COL18A1: variants seen among roughly 807,000 people sequenced by gnomAD.
COL18A1 encodes the protein collagen type XVIII alpha 1 chain.
In COL18A1, 133 loss-of-function variants were observed where a neutral mutation model predicts 168.0. The ratio of observed to expected loss-of-function variants is 0.79; its 90% CI spans 0.69 to 0.91. The LOEUF (loss-of-function observed/expected upper bound fraction) is 0.91. Ranked by LOEUF, COL18A1 falls within the 40% of genes least tolerant of loss-of-function variation. The probability of loss-of-function intolerance (pLI) is 0.00; values close to 1 mark genes in which losing one functional copy is unlikely to be tolerated. For synonymous variants in COL18A1, 949 were observed against 809.0 expected, an observed-to-expected ratio of 1.17 and a Z score of -2.94; for missense variants, 2,126 against 1,925.4, an observed-to-expected ratio of 1.10 and a Z score of -1.95.
intron 2 of COL18A1, among the ~76,000 whole-genome samples, chr21:45,445,563 G>T (rs891238204): frequency 6.6e-6 from 1 of 152,166 alleles, no homozygotes; most frequent in East Asian, 1.9e-4. Flanking sequence ...ACCATCTCAC[G>T]TCCCTTCCTG....
At chr21:45,464,666 G>T (rs1055831009) in intron 2 of COL18A1, among the ~76,000 whole-genome samples, 4 of 152,182 alleles carry the variant, frequency 2.6e-5, no homozygotes, top group African/African-American at 7.2e-5. Context: ...AGGAGAATCT[G>T]TTTTCTTGAC....
intron 2 of COL18A1, among the ~76,000 whole-genome samples, chr21:45,429,390 G>A (rs905917238): frequency 1.3e-5 from 2 of 151,370 alleles, no homozygotes; most frequent in East Asian, 2.0e-4. Context: ...GATGGCTGCT[G>A]CAGGTCCCTG....
At chr21:45,442,755 G>C (rs1569291856) in intron 2 of COL18A1, among the ~76,000 whole-genome samples, 3 of 101,650 alleles carry the variant, frequency 3.0e-5, no homozygotes. Flanking sequence ...GGCTGGTGTG[G>C]GCAGCGGTGC....
intron 2 of COL18A1, among the ~76,000 whole-genome samples, chr21:45,433,293 T>A (rs1216466418): frequency 6.6e-6 from 1 of 152,234 alleles, no homozygotes; most frequent in African/African-American, 2.4e-5. Flanking sequence ...CCTTTATTTT[T>A]ATAGGTAACA....
Position 45,443,294 on chromosome 21 carries a change from C to T in COL18A1, c.107-24948C>T, listed in dbSNP as rs890261738. 6.6e-6 allele frequency among the ~76,000 whole-genome samples: 1 copy of T among 152,170 alleles called. No homozygotes were observed. The highest frequency in any genetic ancestry group is 2.4e-5 in the African/African-American group (1 of 41,436). ...ACAGCTGGGGTCTGGGTAGGTCTGGCAGCCCCATGGGAACCTGGCTGTGTG... is the reference window on the plus strand; with the variant it reads ...ACAGCTGGGGTCTGGGTAGGTCTGGTAGCCCCATGGGAACCTGGCTGTGTG... On this transcript the variant is annotated intron_variant, in intron 2 of 41. Coordinates refer to ENST00000651438, the MANE Select transcript of COL18A1 (RefSeq NM_001379500.1). The surrounding 1 kb of genome is among the most constrained non-coding windows in gnomAD (Gnocchi z 5.2).
intron 2 of COL18A1, among the ~76,000 whole-genome samples, chr21:45,430,059 T>C (rs1471709774): frequency 1.6e-5 from 2 of 122,528 alleles, no homozygotes; most frequent in Admixed American, 1.8e-4. Flanking sequence ...CTCTCCAGCA[T>C]GTGAAGTGGG....
intron 34 of COL18A1, among the ~76,000 whole-genome samples, chr21:45,504,924 TCTG>T (rs1326527130): frequency 6.7e-6 from 1 of 149,694 alleles, no homozygotes; most frequent in African/African-American, 2.5e-5. Flanking sequence ...TTGTCAGGTC[TCTG>T]CTGGTCTCTC....
At chr21:45,428,248 C>A (rs2033863251) in intron 2 of COL18A1, among the ~76,000 whole-genome samples, 1 of 152,172 alleles carries the variant, frequency 6.6e-6, no homozygotes, top group African/African-American at 2.4e-5. Flanking sequence ...AGACGCAGCG[C>A]TGTGGGAACC....
At chr21:45,472,325 G>A (rs1201730570) in intron 3 of COL18A1, among the ~76,000 whole-genome samples, 1 of 151,716 alleles carries the variant, frequency 6.6e-6, no homozygotes, top group African/African-American at 2.4e-5. Flanking sequence ...CCGGGTTCAC[G>A]CCATTCTCCT....
chr21:45,496,520 ACCTCCAGGGCCCCCAGGC>A lies in COL18A1; in HGVS notation c.2539_2556del (p.Pro847_Gly852del), dbSNP rs751443356. 8.6e-6 allele frequency: 13 copies of A among 1,508,334 alleles called. No homozygotes were observed. Among genetic ancestry groups the A allele is most frequent in the South Asian group, 3.4e-5 (3 of 89,014 alleles). 93.4% of individuals were successfully genotyped at this position (1,508,334 alleles called of 1,614,324 possible). The stretch of plus-strand genomic sequence containing the variant: ...CACAGGGAATGCCCGGCCCCCCAGG[ACCTCCAGGGCCCCCAGGC>A]CCTCCAGGGACTCCTGTTTACGACA... On this transcript the variant is annotated inframe_deletion, in exon 30 of 42. Coordinates refer to ENST00000651438, the MANE Select transcript of COL18A1 (RefSeq NM_001379500.1).
chr21:45,505,099 G>A (rs2037112230), intron 34 of COL18A1, 35 bp from the exon 35 acceptor site: 1 of 1,600,728 alleles, frequency 6.2e-7, no homozygotes, highest in Non-Finnish European at 8.5e-7. Context: ...CAGGGCACGA[G>A]GTAACCAGGA....
chr21:45,500,127 G>A (rs184623370), intron 32 of COL18A1, among the ~76,000 whole-genome samples: 229 of 151,620 alleles, frequency 1.5e-3, no homozygotes, highest in African/African-American at 5.1e-3. Context: ...CAGTGTGGGG[G>A]TGTGGGTGGA....
rs56388421 is a variant in COL18A1, at chr21:45,508,113, G to A, written c.3249+520G>A. On this transcript the variant is annotated intron_variant, in intron 38 of 41. Coordinates refer to ENST00000651438, the MANE Select transcript of COL18A1 (RefSeq NM_001379500.1). ...GTGAGTGGATGGATGGTGGTCAGGCGGGTGAGTGGACGGGTGGGTGGGTGG... is the reference window on the plus strand; with the variant it reads ...GTGAGTGGATGGATGGTGGTCAGGCAGGTGAGTGGACGGGTGGGTGGGTGG... Among the ~76,000 whole-genome samples, 517 of 149,788 alleles carry A rather than the reference G, an allele frequency of 3.5e-3. 5 individuals are homozygous for A. The highest frequency in any genetic ancestry group is 0.012 in the African/African-American group (496 of 40,692).
In COL18A1 at chr21:45,406,545, G is replaced by T. The variant is rs116860634; in HGVS notation, c.106+1072G>T. On this transcript the variant is annotated intron_variant, in intron 2 of 41. Transcript: ENST00000651438. Reference sequence around the variant, plus strand: ...TCCTCATTTACTGTGTGAACTCTAGGGGGTGAAACACGGGCGGAGAGCGGC... The same window carrying T: ...TCCTCATTTACTGTGTGAACTCTAGTGGGTGAAACACGGGCGGAGAGCGGC... Among the ~76,000 whole-genome samples the T allele has an allele frequency of 2.9e-3, 437 of 152,286 alleles. 1 individual carries two copies. The highest frequency in any genetic ancestry group is 4.9e-3 in the Non-Finnish European group (332 of 68,034).
intron 2 of COL18A1, among the ~76,000 whole-genome samples, chr21:45,452,021 C>T (rs115304179): frequency 4.1e-4 from 63 of 152,356 alleles, no homozygotes; most frequent in African/African-American, 1.4e-3. Context: ...CAGGAGGCAC[C>T]GAGGAGCCGC....
intron 2 of COL18A1, among the ~76,000 whole-genome samples, chr21:45,416,103 A>G (rs1320219981): frequency 6.6e-6 from 1 of 152,174 alleles, no homozygotes; most frequent in African/African-American, 2.4e-5. Context: ...ACGTGGCCAC[A>G]CCGGCCCTTC....
rs183263882 is a variant in COL18A1, at chr21:45,457,641, G to A, written c.107-10601G>A. Reference sequence around the variant, plus strand: ...CCCAGCAGATCCCTCCTCTGTGTCCGGGAGTAGACGGGGCCCCTGAGCTGT... The same window carrying A: ...CCCAGCAGATCCCTCCTCTGTGTCCAGGAGTAGACGGGGCCCCTGAGCTGT... On this transcript the variant is annotated intron_variant, in intron 2 of 41. Coordinates refer to ENST00000651438, the MANE Select transcript of COL18A1 (RefSeq NM_001379500.1). This position sits in a 1 kb window ranked among gnomAD's most constrained non-coding sequence, Gnocchi z 4.6. Among the ~76,000 whole-genome samples, 1 of 152,292 alleles carries A rather than the reference G, an allele frequency of 6.6e-6. No homozygotes were observed. The highest frequency in any genetic ancestry group is 1.9e-4 in the East Asian group (1 of 5,170).
rs930977130 is a variant in COL18A1 at position 45,446,956 on chromosome 21, A to G, written c.107-21286A>G. On this transcript the variant is annotated intron_variant, in intron 2 of 41. Coordinates refer to ENST00000651438, the MANE Select transcript of COL18A1 (RefSeq NM_001379500.1). Reference sequence around the variant, plus strand: ...TGGACAAAATTCAACACCATTCATGAAAAACACTTAACAAGCTGGTAAAGA... The same window carrying G: ...TGGACAAAATTCAACACCATTCATGGAAAACACTTAACAAGCTGGTAAAGA... 5.9e-5 allele frequency among the ~76,000 whole-genome samples: 9 copies of G among 152,354 alleles called. No homozygotes were observed. In the East Asian group the frequency reaches 1.5e-3, roughly 26 times the overall value.
At chr21:45,506,961 C>T in intron 37 of COL18A1, 1 of 265,356 alleles carries the variant, frequency 3.8e-6, no homozygotes, top group South Asian at 3.8e-5. Flanking sequence ...CACTGTGTGC[C>T]AGGTGTGCTT....
Sources: gnomAD v4.1 joint callset for allele counts (sites outside exome capture counted in the v4.1 genomes callset) on GRCh38, gnomAD v4.1.1 for gene constraint, Gnocchi (gnomAD v3.1) non-coding constraint, MANE v1.5 for transcripts, NCBI Gene and HGNC (gene_info 2026-07-23, HGNC 2026-07-21) for gene names.